Variants in CSMD1 observed in about 807,000 individuals in gnomAD.
The protein encoded by CSMD1 is CUB and sushi domain-containing protein 1.
A neutral mutation model predicts 417.5 loss-of-function variants in CSMD1; 213 were observed. The ratio of observed to expected loss-of-function variants is 0.51; its 90% CI spans 0.46 to 0.57. CSMD1 has a LOEUF of 0.57. CSMD1 is among the 20% of genes least tolerant of loss of function. The pLI is 0.00. For missense variants in CSMD1, 6,923 were observed against 4,529.7 expected (o/e 1.53, Z -15.17); for synonymous variants, 2,862 against 1,736.8 (o/e 1.65, Z -16.11).
chr8:3,971,953 G>A (rs942275256), intron 5 of CSMD1, among the ~76,000 whole-genome samples: 1 of 151,938 alleles, frequency 6.6e-6, no homozygotes, highest in Non-Finnish European at 1.5e-5. Flanking sequence ...TGTTGCCCAG[G>A]CTGGAGTGCA....
At chr8:3,545,642 A>G (rs10111637) in intron 10 of CSMD1, among the ~76,000 whole-genome samples, 7,218 of 152,316 alleles carry the variant, frequency 0.047, 492 homozygotes, top group African/African-American at 0.15. Context: ...CAGGTGCATC[A>G]TCAGCGGTGG....
At chr8:3,590,661 T>C (rs1277699879) in intron 8 of CSMD1, among the ~76,000 whole-genome samples, 1 of 152,156 alleles carries the variant, frequency 6.6e-6, no homozygotes, top group Non-Finnish European at 1.5e-5. Flanking sequence ...CTTCTCTAAT[T>C]TCAAAGCATT....
intron 1 of CSMD1, among the ~76,000 whole-genome samples, chr8:4,860,253 G>A (rs1802046128): frequency 8.7e-6 from 1 of 114,606 alleles, no homozygotes; most frequent in East Asian, 3.2e-4. Context: ...ACACTCAGGG[G>A]ACTGTTGTGG....
intron 17 of CSMD1, among the ~76,000 whole-genome samples, chr8:3,393,846 T>A (rs1279111730): frequency 6.7e-6 from 1 of 149,760 alleles, no homozygotes; most frequent in Non-Finnish European, 1.5e-5. Context: ...TTGTGGGGTG[T>A]GGGGAGGGGG....
chr8:3,186,902 T>C (rs899209555), intron 36 of CSMD1, among the ~76,000 whole-genome samples: 1 of 152,216 alleles, frequency 6.6e-6, no homozygotes, highest in South Asian at 2.1e-4. Context: ...GCTGTCATAT[T>C]GGCTACTTTT....
chr8:3,160,818 T>G (rs778421861), intron 38 of CSMD1, among the ~76,000 whole-genome samples: 4 of 152,212 alleles, frequency 2.6e-5, no homozygotes, highest in Non-Finnish European at 4.4e-5. Flanking sequence ...GAAGTGAGAT[T>G]TTGTATATAA....
intron 2 of CSMD1, among the ~76,000 whole-genome samples, chr8:4,499,504 T>G (rs978001968): frequency 3.3e-5 from 5 of 152,232 alleles, no homozygotes; most frequent in African/African-American, 1.2e-4. Context: ...CCAGCAAGAC[T>G]TTCAAGGAGT....
At chr8:4,326,247 C>T (rs1381188906) in intron 3 of CSMD1, among the ~76,000 whole-genome samples, 1 of 152,104 alleles carries the variant, frequency 6.6e-6, no homozygotes, top group African/African-American at 2.4e-5. Context: ...CTAAGATGAC[C>T]AAAGACTGCA....
intron 23 of CSMD1, among the ~76,000 whole-genome samples, chr8:3,315,182 C>T (rs569771237): frequency 6.6e-6 from 1 of 152,246 alleles, no homozygotes; most frequent in African/African-American, 2.4e-5. Flanking sequence ...ACAGTGTTTT[C>T]ACACCATTTC....
At chr8:4,955,632 T>G (rs1001066349) in intron 1 of CSMD1, among the ~76,000 whole-genome samples, 2 of 152,094 alleles carry the variant, frequency 1.3e-5, no homozygotes, top group African/African-American at 4.8e-5. Flanking sequence ...ATTTTTGTAT[T>G]TTTAATAGAG....
intron 26 of CSMD1, among the ~76,000 whole-genome samples, chr8:3,243,727 TA>T (rs534868509): frequency 6.6e-6 from 1 of 151,620 alleles, no homozygotes; most frequent in Non-Finnish European, 1.5e-5. Context: ...TATAATTATT[TA>T]TGAAAATTAC....
At chr8:3,410,838 G>C (rs542946978) in intron 12 of CSMD1, among the ~76,000 whole-genome samples, 3 of 152,198 alleles carry the variant, frequency 2.0e-5, no homozygotes, top group Admixed American at 1.3e-4. Flanking sequence ...TCTGGGGCTC[G>C]AGTGATCCTC....
chr8:2,975,752 T>C (rs954380182), intron 55 of CSMD1, among the ~76,000 whole-genome samples: 2 of 152,240 alleles, frequency 1.3e-5, no homozygotes, highest in Non-Finnish European at 2.9e-5. Context: ...GGAGCTCAGC[T>C]GCTCTAGAGC....
At chr8:4,371,899 G>C (rs571817912) in intron 3 of CSMD1, among the ~76,000 whole-genome samples, 1 of 152,356 alleles carries the variant, frequency 6.6e-6, no homozygotes, top group East Asian at 1.9e-4. Flanking sequence ...TGCAAGTTAA[G>C]AAGGGAAGTG....
chr8:4,926,571 G>A (rs1289910197), intron 1 of CSMD1, among the ~76,000 whole-genome samples: 1 of 151,946 alleles, frequency 6.6e-6, no homozygotes, highest in Non-Finnish European at 1.5e-5. Context: ...ATAGCCTTGG[G>A]GAAAAACCAA....
At chr8:3,894,434 T>C (rs931776072) in intron 5 of CSMD1, among the ~76,000 whole-genome samples, 17 of 152,294 alleles carry the variant, frequency 1.1e-4, no homozygotes, top group African/African-American at 4.1e-4. Flanking sequence ...TTTACGTTTT[T>C]TCAAGTAAAA....
At chr8:3,723,703 C>T (rs1027595383) in intron 6 of CSMD1, among the ~76,000 whole-genome samples, 6 of 152,094 alleles carry the variant, frequency 3.9e-5, no homozygotes, top group South Asian at 2.1e-4. Flanking sequence ...GATATTAACA[C>T]GTGTGCTTTT....
At chr8:3,213,647 A>C (rs1197779756) in intron 30 of CSMD1, among the ~76,000 whole-genome samples, 5 of 151,406 alleles carry the variant, frequency 3.3e-5, no homozygotes, top group Middle Eastern at 3.5e-3. Context: ...TTCTCTCTAT[A>C]TATATACAGA....
intron 23 of CSMD1, among the ~76,000 whole-genome samples, chr8:3,336,816 G>A (rs1021081491): frequency 3.3e-5 from 5 of 152,144 alleles, no homozygotes; most frequent in Admixed American, 1.3e-4. Flanking sequence ...GACAGGCACA[G>A]CTCCTGTCTA....
Sources: gnomAD v4.1 joint callset for allele counts (sites outside exome capture counted in the v4.1 genomes callset) on GRCh38, gnomAD v4.1.1 for gene constraint, MANE v1.5 for transcripts, NCBI Gene and HGNC (gene_info 2026-07-23, HGNC 2026-07-21) for gene names.